CNTN4: variants seen among roughly 807,000 people sequenced by gnomAD.
CNTN4 encodes contactin 4.
CNTN4 carries 77 observed loss-of-function variants against 122.5 expected under a neutral mutation model. The ratio of observed to expected loss-of-function variants is 0.63; its 90% CI spans 0.52 to 0.76. CNTN4 has a LOEUF of 0.76. CNTN4 is among the 30% of genes least tolerant of loss of function. CNTN4 has a pLI of 0.00. For synonymous variants in CNTN4, 512 were observed against 447.0 expected (o/e 1.15, Z -1.83); for missense variants, 1,256 against 1,259.1 (o/e 1.00, Z 0.04).
intron 3 of CNTN4, among the ~76,000 whole-genome samples, chr3:2,570,357 G>A (rs761222692): frequency 8.6e-5 from 13 of 151,820 alleles, no homozygotes; most frequent in South Asian, 4.2e-4. Flanking sequence ...AAAATTTTCC[G>A]TAAAGGTGGG....
intron 3 of CNTN4, among the ~76,000 whole-genome samples, chr3:2,508,293 C>T (rs994250984): frequency 1.3e-5 from 2 of 152,226 alleles, no homozygotes; most frequent in East Asian, 3.9e-4. Flanking sequence ...AAATTTTGTT[C>T]CCAGCTGGAG....
At chr3:3,037,388 C>CA in intron 18 of CNTN4, 60 bp downstream of exon 18, 1 of 1,608,390 alleles carries the variant, frequency 6.2e-7, no homozygotes, top group Non-Finnish European at 8.5e-7. Flanking sequence ...TTAGGAAAAG[C>CA]GTTTGAATTC....
In CNTN4 at chr3:2,774,297, T is replaced by A. The variant is rs1576739139; in HGVS notation, c.358+28600T>A. Among the ~76,000 whole-genome samples the A allele has an allele frequency of 2.6e-5, 4 of 151,638 alleles. No individual in the cohort carries two copies. The South Asian group carries it at 6.2e-4, about 24-fold the overall frequency. The stretch of plus-strand genomic sequence containing the variant: ...AAAAACAAAAAAAAGAAAAGATATG[T>A]CAGCTGCATTACCCCCACCCCAATC... On this transcript the variant is annotated intron_variant, in intron 6 of 24. Coordinates refer to ENST00000418658, the MANE Select transcript of CNTN4 (RefSeq NM_175607.3).
rs1452715246 is a variant in CNTN4, at chr3:2,191,707, T to TACACAC, written c.-145+91069_-145+91070insCACACA. ...ACAAAATTCTATGTATATATATATA[T>TACACAC]ATACACACACACACACATACACACA... On this transcript the variant is annotated intron_variant, in intron 2 of 24. Transcript: ENST00000418658. Among the ~76,000 whole-genome samples the TACACAC allele has an allele frequency of 1.2e-3, 175 of 140,386 alleles. 1 individual carries two copies. The highest frequency in any genetic ancestry group is 3.6e-3 in the African/African-American group (128 of 35,716). 92.1% of individuals were successfully genotyped at this position (140,386 alleles called of 152,430 possible). A position where few individuals can be genotyped will look rare whatever the true frequency, so the allele number is the denominator to read the frequency against.
At chr3:2,955,963 G>A (rs112059594) in intron 13 of CNTN4, among the ~76,000 whole-genome samples, 1,740 of 152,258 alleles carry the variant, frequency 0.011, 29 homozygotes, top group African/African-American at 0.039. Context: ...AGAATTAAAA[G>A]CAAGGACTCA....
At chr3:2,818,236 A>T (rs1194417397) in intron 6 of CNTN4, among the ~76,000 whole-genome samples, 1 of 152,264 alleles carries the variant, frequency 6.6e-6, no homozygotes, top group Non-Finnish European at 1.5e-5. Flanking sequence ...GTACAAACTT[A>T]AAATGTCCCT....
At chr3:2,659,057 A>G (rs2083743665) in intron 4 of CNTN4, among the ~76,000 whole-genome samples, 1 of 151,840 alleles carries the variant, frequency 6.6e-6, no homozygotes, top group South Asian at 2.1e-4. Context: ...TTGGTTTAAA[A>G]ATACAGTGAG....
intron 7 of CNTN4, among the ~76,000 whole-genome samples, chr3:2,821,586 G>GA (rs749698086): frequency 4.6e-5 from 7 of 152,134 alleles, no homozygotes; most frequent in Non-Finnish European, 8.8e-5. Flanking sequence ...TTATGCCCTG[G>GA]AAAATATCAT....
intron 3 of CNTN4, among the ~76,000 whole-genome samples, chr3:2,488,917 T>TA (rs1268599362): frequency 3.3e-5 from 5 of 152,180 alleles, no homozygotes; most frequent in African/African-American, 4.8e-5. Context: ...TTTTTAATAA[T>TA]AGATAGTCTA....
At chr3:2,659,819 C>A (rs1196451348) in intron 4 of CNTN4, among the ~76,000 whole-genome samples, 2 of 152,068 alleles carry the variant, frequency 1.3e-5, no homozygotes, top group Non-Finnish European at 2.9e-5. Context: ...TTGAACTCAT[C>A]CTAAATGTAC....
chr3:2,318,925 G>A (rs1220447883), intron 2 of CNTN4, among the ~76,000 whole-genome samples: 2 of 152,068 alleles, frequency 1.3e-5, no homozygotes, highest in African/African-American at 4.8e-5. Flanking sequence ...ACCCCACTTG[G>A]GATAATCCCC....
chr3:2,847,291 T>G (rs1224479666), intron 7 of CNTN4, among the ~76,000 whole-genome samples: 1 of 151,894 alleles, frequency 6.6e-6, no homozygotes, highest in African/African-American at 2.4e-5. Context: ...AGCTAAAGAC[T>G]GAGATCACCC....
At chr3:2,549,636 G>A (rs1187898708) in intron 3 of CNTN4, among the ~76,000 whole-genome samples, 1 of 152,086 alleles carries the variant, frequency 6.6e-6, no homozygotes, top group African/African-American at 2.4e-5. Context: ...TCGGTGTTCA[G>A]CAGGGATATT....
intron 4 of CNTN4, among the ~76,000 whole-genome samples, chr3:2,599,874 T>G (rs1338454666): frequency 1.3e-5 from 2 of 152,146 alleles, no homozygotes; most frequent in African/African-American, 4.8e-5. Context: ...GCCTGAAGCT[T>G]GAGTTACTTA....
intron 2 of CNTN4, among the ~76,000 whole-genome samples, chr3:2,197,558 G>C (rs930743797): frequency 6.6e-6 from 1 of 152,074 alleles, no homozygotes; most frequent in Non-Finnish European, 1.5e-5. Context: ...AGACTCATAG[G>C]CTTTGTCAGT....
chr3:2,907,612 A>G (rs904672906), intron 12 of CNTN4, among the ~76,000 whole-genome samples: 3 of 152,198 alleles, frequency 2.0e-5, no homozygotes, highest in Non-Finnish European at 4.4e-5. Context: ...TGTATAAGAA[A>G]GAAAAAATAT....
chr3:2,892,126 G>T (rs1427385149), intron 10 of CNTN4: 2 of 152,200 alleles, frequency 1.3e-5, no homozygotes, highest in African/African-American at 4.8e-5. Context: ...AACAGAGCTA[G>T]ATTTCGAATG....
intron 4 of CNTN4, among the ~76,000 whole-genome samples, chr3:2,643,694 T>G (rs986149641): frequency 6.6e-6 from 1 of 152,182 alleles, no homozygotes; most frequent in Non-Finnish European, 1.5e-5. Flanking sequence ...ATAGGAGCTA[T>G]AAAGGAGATA....
chr3:2,574,197 C>CTCAGGAAGG (rs1559255069), intron 4 of CNTN4, among the ~76,000 whole-genome samples: 3 of 152,274 alleles, frequency 2.0e-5, no homozygotes, highest in Admixed American at 6.5e-5. Flanking sequence ...GCCTGGGCAA[C>CTCAGGAAGG]AAGAGTGAAA....
Sources: gnomAD v4.1 joint callset for allele counts (sites outside exome capture counted in the v4.1 genomes callset) on GRCh38, gnomAD v4.1.1 for gene constraint, MANE v1.5 for transcripts, NCBI Gene and HGNC (gene_info 2026-07-23, HGNC 2026-07-21) for gene names.